The following USP7 variants were observed in gnomAD, a reference collection of about 807,000 sequenced individuals.
USP7 encodes the protein ubiquitin C-terminal hydrolase 7.
USP7 carries 9 observed loss-of-function variants against 162.9 expected under a neutral mutation model. The observed-to-expected ratio is 0.06, with a 90% CI of 0.03 to 0.10. The LOEUF is 0.10. Ranked by LOEUF, USP7 falls within the 10% of genes least tolerant of loss-of-function variation. The pLI, the probability that USP7 is intolerant of heterozygous loss-of-function variation, is 1.00. For missense variants in USP7, 715 were observed against 1,373.7 expected (o/e 0.52, Z 7.58); for synonymous variants, 562 against 475.9 (o/e 1.18, Z -2.35).
rs146082132 is a variant in USP7, at chr16:8,907,687, C to A, written c.1271+654G>T. Among the ~76,000 whole-genome samples, 232 of 152,158 alleles carry A rather than the reference C, an allele frequency of 1.5e-3. 2 individuals carry two copies. The highest frequency in any genetic ancestry group is 5.3e-3 in the African/African-American group (219 of 41,528). On this transcript the variant is annotated intron_variant, in intron 12 of 30. Transcript: ENST00000344836. Reference sequence around the variant, plus strand: ...TGAAACCCTGTCTCTACTAAAAATACAAAAATTAGCCAGGTACTTGGAAGG... The same window carrying A: ...TGAAACCCTGTCTCTACTAAAAATAAAAAAATTAGCCAGGTACTTGGAAGG...
In USP7 at chr16:8,899,276, G is replaced by C. The variant is rs1410391950; in HGVS notation, c.2464-88C>G. ...TGCTTAATTACTTAAAATGTGCCATGAGCAGCCTGAATTTAAATTCCCTAG... is the reference window on the plus strand; with the variant it reads ...TGCTTAATTACTTAAAATGTGCCATCAGCAGCCTGAATTTAAATTCCCTAG... On this transcript the variant is annotated intron_variant, in intron 22 of 30. Transcript: ENST00000344836. 8 of 1,302,256 alleles carry C rather than the reference G, an allele frequency of 6.1e-6. No individual in the cohort carries two copies. The East Asian group carries it at 1.6e-4, about 27-fold the overall frequency. 80.7% of individuals were successfully genotyped at this position (1,302,256 alleles called of 1,614,324 possible).
In USP7 at chr16:8,893,756, G is replaced by C; in HGVS notation, c.*242C>G. On this transcript the variant is annotated 3_prime_UTR_variant, in exon 31 of 31. Coordinates refer to ENST00000344836, the MANE Select transcript of USP7 (RefSeq NM_003470.3). The stretch of plus-strand genomic sequence containing the variant: ...ATTGCGCTGACAGTTGCCTTGCACT[G>C]TGGTTACCATAAAATAACTCTCATT... The C allele has an allele frequency of 2.2e-6, 1 of 460,762 alleles. No homozygotes were observed. The highest frequency in any genetic ancestry group is 3.4e-5 in the Admixed American group (1 of 29,650). 28.5% of individuals were successfully genotyped at this position (460,762 alleles called of 1,614,324 possible). A position where few individuals can be genotyped will look rare whatever the true frequency, so the allele number is the denominator to read the frequency against.
Position 8,919,082 on chromosome 16 carries a change from A to G in USP7, c.669T>C (p.Cys223=), listed in dbSNP as rs1897535450. The part of the protein sequence containing the change: ...YVGLKNQGAT[C]YMNSLLQTLF... Reference sequence around the variant, plus strand: ...ACGTCTGTAGCAGGCTGTTCATGTAACAAGTCGCTCCCTGATTCTTTAAGC... The same window carrying G: ...ACGTCTGTAGCAGGCTGTTCATGTAGCAAGTCGCTCCCTGATTCTTTAAGC... Residue 223 remains cysteine (C), a synonymous_variant, in exon 6 of 31, where the codon TGT becomes TGC. Coordinates refer to ENST00000344836, the MANE Select transcript of USP7 (RefSeq NM_003470.3). 6.2e-7 allele frequency: 1 copy of G among 1,614,088 alleles called. No homozygotes were observed. The highest frequency in any genetic ancestry group is 8.5e-7 in the Non-Finnish European group (1 of 1,180,026).
chr16:8,905,995 G>T (rs894527332), intron 13 of USP7, among the ~76,000 whole-genome samples: 7 of 152,162 alleles, frequency 4.6e-5, no homozygotes, highest in Non-Finnish European at 8.8e-5. Flanking sequence ...TCTGCCAAAT[G>T]AGTATGGCGC....
intron 1 of USP7, among the ~76,000 whole-genome samples, chr16:8,953,025 C>T (rs893319993): frequency 4.6e-5 from 7 of 152,016 alleles, no homozygotes; most frequent in Non-Finnish European, 8.8e-5. Context: ...TTAGTAGAGA[C>T]GGGGTTTCAC....
chr16:8,926,013 G>A (rs887498522), intron 2 of USP7, among the ~76,000 whole-genome samples: 1 of 152,068 alleles, frequency 6.6e-6, no homozygotes, highest in African/African-American at 2.4e-5. Flanking sequence ...AATTAGCCGG[G>A]TGCAGAGGCT....
intron 1 of USP7, among the ~76,000 whole-genome samples, 164 bp from the exon 2 acceptor site, chr16:8,930,561 CTACA>C (rs1898261758): frequency 6.6e-6 from 1 of 152,284 alleles, no homozygotes; most frequent in African/African-American, 2.4e-5. Flanking sequence ...CTAATGTTTA[CTACA>C]TACAAACTTT....
intron 2 of USP7, among the ~76,000 whole-genome samples, chr16:8,926,254 G>A (rs1897984344): frequency 6.6e-6 from 1 of 152,060 alleles, no homozygotes; most frequent in African/African-American, 2.4e-5. Flanking sequence ...GAGGCGGGCG[G>A]ATAACCTGAG....
intron 1 of USP7, among the ~76,000 whole-genome samples, chr16:8,954,903 T>C (rs1336896046): frequency 6.6e-6 from 1 of 152,268 alleles, no homozygotes; most frequent in African/African-American, 2.4e-5. Flanking sequence ...GAGGTTGCAG[T>C]GAGCCAAGAT....
chr16:8,907,566 C>G (rs2061880021), intron 12 of USP7, among the ~76,000 whole-genome samples: 1 of 152,206 alleles, frequency 6.6e-6, no homozygotes, highest in South Asian at 2.1e-4. Flanking sequence ...ACCTAGAAAA[C>G]TACTTGTGGC....
chr16:8,898,899 G>T (rs758246356), intron 23 of USP7, among the ~76,000 whole-genome samples: 4 of 152,178 alleles, frequency 2.6e-5, no homozygotes, highest in African/African-American at 4.8e-5. Flanking sequence ...ATGCACTGAG[G>T]ATGTATCTAA....
At position 8,892,133 on chromosome 16, in the gene USP7, T is replaced by G. The variant is rs1234637021; in HGVS notation, c.*1865A>C. 1 of 151,866 alleles carries G rather than the reference T, an allele frequency of 6.6e-6. No homozygotes were observed. The highest frequency in any genetic ancestry group is 1.5e-5 in the Non-Finnish European group (1 of 67,996). The allele number at this position is 151,866 out of a possible 1,614,324, so 9.4% of individuals were successfully genotyped here. On this transcript the variant is annotated 3_prime_UTR_variant, in exon 31 of 31. Transcript: ENST00000344836. Reference sequence around the variant, plus strand: ...AGTCATTTAATACCTTAAGGGAGAGTAGGAACTTTCAGTTACCTAAGACTA... The same window carrying G: ...AGTCATTTAATACCTTAAGGGAGAGGAGGAACTTTCAGTTACCTAAGACTA...
At chr16:8,925,843 T>C (rs1389561939) in intron 2 of USP7, among the ~76,000 whole-genome samples, 1 of 152,212 alleles carries the variant, frequency 6.6e-6, no homozygotes, top group African/African-American at 2.4e-5. Context: ...AAACTCTTCA[T>C]ACTAGCAGAA....
At chr16:8,909,589 G>A (rs961468689) in intron 11 of USP7, among the ~76,000 whole-genome samples, 1 of 152,148 alleles carries the variant, frequency 6.6e-6, no homozygotes, top group African/African-American at 2.4e-5. Flanking sequence ...AGTAATTCTC[G>A]TCAACAGACC....
Position 8,902,388 on chromosome 16 carries a change from T to C in USP7, c.1934A>G (p.Asn645Ser), listed in dbSNP as rs370128581. The C allele has an allele frequency of 2.5e-5, 41 of 1,613,926 alleles. No individual in the cohort carries two copies. The highest frequency in any genetic ancestry group is 1.6e-4 in the Middle Eastern group (1 of 6,084). ...PAMLDNEADG[N>S]KTMIELSDNE... ...GCTATTAACAATATTTACTGTTTTA[T>C]TGCCGTCGGCTTCATTATCTAACAT... is the stretch of plus-strand genomic sequence containing the variant. Residue 645 changes from asparagine to serine, a missense_variant, in exon 17 of 31, where the codon AAT (asparagine) becomes AGT (serine). Asn to Ser is a conservative substitution (Grantham distance 46, BLOSUM62 1). This residue lies in a region of USP7 where 197 missense variants were observed against 306.5 expected (regional missense o/e 0.64). Transcript: ENST00000344836.
chr16:8,951,763 G>A (rs1899564161), intron 1 of USP7, among the ~76,000 whole-genome samples: 1 of 152,208 alleles, frequency 6.6e-6, no homozygotes, highest in Admixed American at 6.5e-5. Context: ...ATACAGCCCA[G>A]CATGGTTTGC....
At chr16:8,901,430 G>A (rs1041965427) in intron 18 of USP7, among the ~76,000 whole-genome samples, 196 bp from the exon 19 acceptor site, 5 of 152,058 alleles carry the variant, frequency 3.3e-5, no homozygotes, top group African/African-American at 7.2e-5. Context: ...GGCTATTACC[G>A]CTGAGTTTCC....
At chr16:8,901,918 G>A in intron 18 of USP7, 164 bp downstream of exon 18, 1 of 649,634 alleles carries the variant, frequency 1.5e-6, no homozygotes, top group South Asian at 1.9e-5. Flanking sequence ...TCGCAGCCAA[G>A]TCAGTCTTAT....
intron 1 of USP7, among the ~76,000 whole-genome samples, chr16:8,949,146 A>G (rs568653919): frequency 2.4e-4 from 36 of 152,356 alleles, no homozygotes; most frequent in Non-Finnish European, 4.0e-4. Flanking sequence ...AAATGGGTGA[A>G]TTGTGGTATG....
Sources: gnomAD v4.1 joint callset for allele counts (sites outside exome capture counted in the v4.1 genomes callset) on GRCh38, gnomAD v4.1.1 for gene constraint, gnomAD v4.1.1 regional missense constraint, MANE v1.5 for transcripts, NCBI Gene and HGNC (gene_info 2026-07-23, HGNC 2026-07-21) for gene names.